The following NAALADL2 variants were observed in gnomAD, a reference collection of about 807,000 sequenced individuals.
NAALADL2 encodes N-acetylated alpha-linked acidic dipeptidase like 2, also known as inactive N-acetylated-alpha-linked acidic dipeptidase-like protein 2.
Under a neutral mutation model 87.2 loss-of-function variants are expected in NAALADL2, and 76 were observed. The observed-to-expected ratio is 0.87, with a 90% confidence interval of 0.72 to 1.05. The LOEUF (loss-of-function observed/expected upper bound fraction) is 1.05. Among genes scored for constraint, NAALADL2 ranks in the 50% least tolerant of loss-of-function variants. NAALADL2 has a pLI of 0.00. For synonymous variants in NAALADL2, 354 were observed against 331.0 expected (o/e 1.07, Z -0.75); for missense variants, 1,089 against 945.8 (o/e 1.15, Z -1.99).
At chr3:175,422,251 GA>G (rs936765099) in intron 5 of NAALADL2, among the ~76,000 whole-genome samples, 2 of 151,984 alleles carry the variant, frequency 1.3e-5, no homozygotes, top group Non-Finnish European at 2.9e-5. Flanking sequence ...TTGGACAAAA[GA>G]AAAAATTCAA....
At chr3:175,467,971 C>A (rs1724335991) in intron 8 of NAALADL2, among the ~76,000 whole-genome samples, 1 of 151,876 alleles carries the variant, frequency 6.6e-6, no homozygotes, top group Non-Finnish European at 1.5e-5. Flanking sequence ...ATATGTAGAC[C>A]AAAAACACTA....
intron 10 of NAALADL2, among the ~76,000 whole-genome samples, chr3:175,587,114 C>CATTG (rs1197522788): frequency 6.6e-6 from 1 of 152,338 alleles, no homozygotes; most frequent in East Asian, 1.9e-4. Context: ...CACCAACACT[C>CATTG]ATTGACTCAT....
At position 174,849,465 on chromosome 3, in the gene NAALADL2, G is replaced by A. The variant is rs1000731102; in HGVS notation, c.-9+111719G>A. Among the ~76,000 whole-genome samples the A allele has an allele frequency of 9.9e-5, 15 of 151,940 alleles. No homozygotes were observed. In the East Asian group the frequency reaches 1.7e-3, roughly 18 times the overall value. On this transcript the variant is annotated intron_variant, in intron 3 of 3. Coordinates refer to the NAALADL2 transcript ENST00000434257. Reference sequence around the variant, plus strand: ...CTAAAAATGAAGATGCACTGGGCACGGTGACTCACGCCTGTAATCCCAGCA... The same window carrying A: ...CTAAAAATGAAGATGCACTGGGCACAGTGACTCACGCCTGTAATCCCAGCA...
intron 11 of NAALADL2, among the ~76,000 whole-genome samples, chr3:175,636,052 C>T (rs534726880): frequency 6.6e-6 from 1 of 152,108 alleles, no homozygotes; most frequent in Non-Finnish European, 1.5e-5. Context: ...TACTTACTGC[C>T]CCATGGACAA....
rs869161862 is a variant in NAALADL2, at chr3:174,894,594, C to CAAAAAAAAAAAAAA, written c.43+35180_43+35193dup. Among the ~76,000 whole-genome samples the CAAAAAAAAAAAAAA allele has an allele frequency of 2.7e-4, 13 of 48,476 alleles. 1 individual carries two copies. The highest frequency in any genetic ancestry group is 5.2e-4 in the East Asian group (1 of 1,934). The allele number at this position is 48,476 out of a possible 152,430, so 31.8% of individuals were successfully genotyped here. On this transcript the variant is annotated intron_variant, in intron 1 of 13. Transcript: ENST00000454872. ...GGGCAAAAAGAGTGAAACTCCGTCT[C>CAAAAAAAAAAAAAA]AAAAAAAAAAAAAAAAAAAAAAAAA...
intron 1 of NAALADL2, among the ~76,000 whole-genome samples, chr3:174,945,560 T>C (rs1334349222): frequency 1.3e-5 from 2 of 152,190 alleles, no homozygotes; most frequent in African/African-American, 4.8e-5. Context: ...AAAGATATTC[T>C]TTAATAGAAT....
At chr3:175,062,465 T>C (rs888786436) in intron 1 of NAALADL2, among the ~76,000 whole-genome samples, 3 of 148,190 alleles carry the variant, frequency 2.0e-5, no homozygotes, top group African/African-American at 7.5e-5. Context: ...TTTGTAGGGC[T>C]GGAAGTTTGG....
At chr3:175,622,514 C>A (rs563794261) in intron 10 of NAALADL2, among the ~76,000 whole-genome samples, 1 of 152,136 alleles carries the variant, frequency 6.6e-6, no homozygotes, top group Non-Finnish European at 1.5e-5. Flanking sequence ...GTCAACCTGG[C>A]TTTATCTGAG....
At chr3:175,784,533 T>G (rs1341748693) in intron 13 of NAALADL2, among the ~76,000 whole-genome samples, 1 of 140,344 alleles carries the variant, frequency 7.1e-6, no homozygotes, top group African/African-American at 3.0e-5. Flanking sequence ...TGTATTTCTG[T>G]GGGATCGGTG....
chr3:175,314,912 G>C (rs1162692300), intron 4 of NAALADL2, among the ~76,000 whole-genome samples: 2 of 151,298 alleles, frequency 1.3e-5, no homozygotes, highest in Non-Finnish European at 2.9e-5. Context: ...TTTTCTGCTA[G>C]GCACTCTATG....
intron 11 of NAALADL2, among the ~76,000 whole-genome samples, chr3:175,684,814 A>G (rs1736050087): frequency 6.6e-6 from 1 of 152,156 alleles, no homozygotes; most frequent in South Asian, 2.1e-4. Flanking sequence ...AAAAAAAATT[A>G]TGTTTAAAGA....
intron 1 of NAALADL2, among the ~76,000 whole-genome samples, chr3:174,493,718 T>G (rs1224895350): frequency 6.6e-6 from 1 of 152,204 alleles, no homozygotes; most frequent in Non-Finnish European, 1.5e-5. Flanking sequence ...AGAGGGAACC[T>G]AGCTCTTACA....
intron 2 of NAALADL2, among the ~76,000 whole-genome samples, chr3:175,173,312 A>C (rs202149566): frequency 2.0e-5 from 1 of 51,026 alleles, no homozygotes; most frequent in Non-Finnish European, 4.6e-5. Context: ...AATAAATAAA[A>C]TAAATAAATA....
At chr3:175,565,832 T>TCCCC (rs1318402651) in intron 9 of NAALADL2, among the ~76,000 whole-genome samples, 3 of 101,226 alleles carry the variant, frequency 3.0e-5, no homozygotes, top group Non-Finnish European at 6.3e-5. Flanking sequence ...CCCCCCCCTT[T>TCCCC]TTTTTTTTTT....
intron 7 of NAALADL2, among the ~76,000 whole-genome samples, chr3:175,465,791 G>A (rs112248244): frequency 5.9e-5 from 9 of 152,256 alleles, no homozygotes; most frequent in African/African-American, 2.2e-4. Flanking sequence ...TAAAATGTTG[G>A]CAGATCAAAT....
intron 5 of NAALADL2, among the ~76,000 whole-genome samples, chr3:175,371,947 A>G (rs1370920015): frequency 1.3e-5 from 2 of 152,196 alleles, no homozygotes; most frequent in African/African-American, 2.4e-5. Context: ...AATAAGTTTT[A>G]GAAGAAATAT....
chr3:174,551,536 A>G (rs1712128473), intron 2 of NAALADL2, among the ~76,000 whole-genome samples: 1 of 152,222 alleles, frequency 6.6e-6, no homozygotes, highest in African/African-American at 2.4e-5. Flanking sequence ...ACTAAAAGGC[A>G]TGTTTCAGAC....
At chr3:175,019,822 C>T (rs1420518481) in intron 1 of NAALADL2, among the ~76,000 whole-genome samples, 1 of 152,024 alleles carries the variant, frequency 6.6e-6, no homozygotes, top group Non-Finnish European at 1.5e-5. Context: ...TTCTCTTATG[C>T]AAATTATTTA....
intron 2 of NAALADL2, among the ~76,000 whole-genome samples, chr3:174,646,990 T>C (rs1386329820): frequency 6.6e-6 from 1 of 152,154 alleles, no homozygotes; most frequent in Non-Finnish European, 1.5e-5. Context: ...TTAACATTCA[T>C]GTCTTCTTTT....
Sources: gnomAD v4.1 joint callset for allele counts (sites outside exome capture counted in the v4.1 genomes callset) on GRCh38, gnomAD v4.1.1 for gene constraint, MANE v1.5 for transcripts, NCBI Gene and HGNC (gene_info 2026-07-23, HGNC 2026-07-21) for gene names.